Variants in AGMO observed in about 807,000 individuals in gnomAD.
AGMO encodes the protein glyceryl-ether monooxygenase.
A neutral mutation model predicts 60.2 loss-of-function variants in AGMO; 75 were observed. That is an observed-to-expected ratio of 1.25 (90% confidence interval 1.03 to 1.51). AGMO has a LOEUF of 1.51. AGMO is among the 40% of genes most tolerant of loss of function. The pLI is 0.00. For synonymous variants in AGMO, 261 were observed against 177.1 expected (o/e 1.47, Z -3.76); for missense variants, 763 against 525.5 (o/e 1.45, Z -4.42).
intron 3 of AGMO, among the ~76,000 whole-genome samples, chr7:15,499,123 T>C (rs532069863): frequency 6.6e-6 from 1 of 151,988 alleles, no homozygotes; most frequent in South Asian, 2.1e-4. Flanking sequence ...AGTGAACACC[T>C]AGGGAATGAT....
the AGMO span, among the ~76,000 whole-genome samples, chr7:15,149,659 T>C: frequency 2.6e-5 from 4 of 152,208 alleles, no homozygotes; most frequent in Admixed American, 1.3e-4. Context: ...TCTAACCTGT[T>C]CTATTGGTCT....
At chr7:15,285,212 C>G (rs1226345700) in intron 12 of AGMO, among the ~76,000 whole-genome samples, 1 of 151,118 alleles carries the variant, frequency 6.6e-6, no homozygotes, top group Non-Finnish European at 1.5e-5. Context: ...AACATAACAC[C>G]TGAAGTCCTA....
chr7:15,433,944 C>A (rs1437202858), intron 3 of AGMO, among the ~76,000 whole-genome samples: 5 of 151,812 alleles, frequency 3.3e-5, no homozygotes, highest in African/African-American at 1.2e-4. Context: ...TTTTGAATTT[C>A]TTTTTCAATT....
chr7:15,184,811 A>T, the AGMO span, among the ~76,000 whole-genome samples: 1 of 136,042 alleles, frequency 7.4e-6, no homozygotes, highest in African/African-American at 2.8e-5. Context: ...AGAGGGAGGG[A>T]GGAAGGGAAG....
intron 3 of AGMO, among the ~76,000 whole-genome samples, chr7:15,511,186 G>C (rs932628786): frequency 2.6e-5 from 4 of 151,978 alleles, no homozygotes; most frequent in African/African-American, 9.7e-5. Flanking sequence ...CTTGCACAAG[G>C]TGCCATCCTA....
chr7:15,525,538 C>T lies in AGMO; in HGVS notation c.409+19234G>A, dbSNP rs184272535. Among the ~76,000 whole-genome samples, 139 of 152,276 alleles carry T rather than the reference C, an allele frequency of 9.1e-4. 2 individuals carry two copies. Among genetic ancestry groups the T allele is most frequent in the Non-Finnish European group, 1.9e-4 (13 of 68,016 alleles). On this transcript the variant is annotated intron_variant, in intron 3 of 12. Coordinates refer to ENST00000342526, the MANE Select transcript of AGMO (RefSeq NM_001004320.2). Reference sequence around the variant, plus strand: ...AAAGCCCCAGCTGAGAGAGAGACCCCGCTGAGATCTGTTTCATTGTTCAAA... The same window carrying T: ...AAAGCCCCAGCTGAGAGAGAGACCCTGCTGAGATCTGTTTCATTGTTCAAA...
the AGMO span, among the ~76,000 whole-genome samples, chr7:15,173,586 A>C: frequency 6.6e-6 from 1 of 152,106 alleles, no homozygotes; most frequent in Admixed American, 6.6e-5. Flanking sequence ...ACAATACAAT[A>C]AAAAACTACA....
At chr7:15,297,893 G>C (rs796895781) in intron 12 of AGMO, among the ~76,000 whole-genome samples, 26 of 152,196 alleles carry the variant, frequency 1.7e-4, no homozygotes, top group African/African-American at 6.3e-4. Context: ...AGCCAGGAAG[G>C]CTATTCTTAT....
intron 12 of AGMO, among the ~76,000 whole-genome samples, chr7:15,262,334 C>G (rs1261980420): frequency 1.3e-5 from 2 of 151,990 alleles, no homozygotes; most frequent in African/African-American, 4.8e-5. Flanking sequence ...TATACACCAA[C>G]AGTGACAAAG....
At chr7:15,359,260 G>A (rs896385860) in intron 12 of AGMO, among the ~76,000 whole-genome samples, 2 of 142,094 alleles carry the variant, frequency 1.4e-5, no homozygotes, top group Non-Finnish European at 3.0e-5. Flanking sequence ...CTGCACTGCA[G>A]CCTCAGCAAC....
intron 12 of AGMO, among the ~76,000 whole-genome samples, chr7:15,245,703 A>G (rs964027750): frequency 1.3e-5 from 2 of 152,246 alleles, no homozygotes; most frequent in Non-Finnish European, 2.9e-5. Context: ...ATGATTACTC[A>G]TGATAATTTA....
At chr7:15,193,506 C>T in the AGMO span, among the ~76,000 whole-genome samples, 1 of 152,156 alleles carries the variant, frequency 6.6e-6, no homozygotes, top group Non-Finnish European at 1.5e-5. Context: ...TACTCTCAAG[C>T]TTCAACTTTG....
the AGMO span, among the ~76,000 whole-genome samples, chr7:15,133,065 C>T: frequency 1.3e-5 from 2 of 152,112 alleles, no homozygotes; most frequent in African/African-American, 2.4e-5. Context: ...ATTACATTTA[C>T]TGGGAAATTG....
At chr7:15,177,129 T>G in the AGMO span, among the ~76,000 whole-genome samples, 82,433 of 151,838 alleles carry the variant, frequency 0.54, 23,168 homozygotes, top group East Asian at 0.78. Flanking sequence ...AAACATTTTT[T>G]TTGGATCTGA....
chr7:15,343,272 G>A (rs926834909), intron 12 of AGMO, among the ~76,000 whole-genome samples: 1 of 151,994 alleles, frequency 6.6e-6, no homozygotes, highest in Non-Finnish European at 1.5e-5. Context: ...TTATCTTTCT[G>A]CCAATGAGTT....
intron 12 of AGMO, among the ~76,000 whole-genome samples, chr7:15,325,358 T>C (rs573233883): frequency 7.7e-4 from 117 of 152,302 alleles, no homozygotes; most frequent in Non-Finnish European, 1.4e-3. Context: ...AATAATTTTA[T>C]TTGTAAAATT....
At chr7:15,358,875 C>T (rs1414212928) in intron 12 of AGMO, among the ~76,000 whole-genome samples, 4 of 152,082 alleles carry the variant, frequency 2.6e-5, no homozygotes, top group Admixed American at 6.5e-5. Context: ...CTAAATGTAA[C>T]ATTTTTAAAA....
intron 12 of AGMO, chr7:15,306,372 G>T: frequency 6.0e-6 from 2 of 333,970 alleles, no homozygotes; most frequent in Non-Finnish European, 1.2e-5. Flanking sequence ...AAGACCCCTT[G>T]GGGCTTACAA....
At chr7:15,159,466 G>A in the AGMO span, among the ~76,000 whole-genome samples, 1 of 152,110 alleles carries the variant, frequency 6.6e-6, no homozygotes, top group African/African-American at 2.4e-5. Flanking sequence ...GTCCAGGACT[G>A]GAAAAGAACA....
Sources: allele counts gnomAD v4.1 joint callset (sites outside exome capture counted in the v4.1 genomes callset), GRCh38; gene constraint gnomAD v4.1.1; transcripts MANE v1.5; gene names NCBI Gene and HGNC (gene_info 2026-07-23, HGNC 2026-07-21).